Variants in MOB4 observed in about 807,000 individuals in gnomAD.
MOB4 encodes the protein MOB-like protein phocein.
In MOB4, 4 loss-of-function variants were observed where a neutral mutation model predicts 32.2. That is an observed-to-expected ratio of 0.12 (90% CI 0.06 to 0.28). The LOEUF (loss-of-function observed/expected upper bound fraction) is 0.28, where lower values mean the gene tolerates loss of function less well. MOB4 is among the 10% of genes least tolerant of loss of function. The pLI, the probability that MOB4 is intolerant of heterozygous loss-of-function variation, is 1.00. For synonymous variants in MOB4, 88 were observed against 88.1 expected (o/e 1.00, Z 0.01); for missense variants, 158 against 271.2 (o/e 0.58, Z 2.93).
chr2:197,540,918 T>G (rs2086885236), intron 5 of MOB4, among the ~76,000 whole-genome samples: 1 of 152,032 alleles, frequency 6.6e-6, no homozygotes, highest in South Asian at 2.1e-4. Context: ...TTTTTTTTTT[T>G]TGAGATGGAT....
At position 197,550,692 on chromosome 2, in the gene MOB4, T is replaced by C; in HGVS notation, c.*46T>C. 1 of 1,538,046 alleles carries C rather than the reference T, an allele frequency of 6.5e-7. No homozygotes were observed. Among genetic ancestry groups the C allele is most frequent in the Non-Finnish European group, 8.7e-7 (1 of 1,149,372 alleles). ...TACTGATCATATAATTAACATTATG[T>C]ACTGTATATATCATTTTAGACACAT... On this transcript the variant is annotated 3_prime_UTR_variant, in exon 8 of 8. Transcript: ENST00000323303.
chr2:197,536,022 C>T (rs1229169172), intron 3 of MOB4, among the ~76,000 whole-genome samples: 6 of 151,740 alleles, frequency 4.0e-5, no homozygotes, highest in African/African-American at 1.5e-4. Flanking sequence ...CTTCAGCTTC[C>T]AGAGTAGCTG....
At chr2:197,531,622 G>A (rs554371257) in intron 2 of MOB4, among the ~76,000 whole-genome samples, 10 of 152,188 alleles carry the variant, frequency 6.6e-5, no homozygotes, top group South Asian at 2.1e-4. Context: ...CTGGAGTGCA[G>A]TGGCATGATC....
intron 2 of MOB4, among the ~76,000 whole-genome samples, chr2:197,528,030 CTA>C (rs1302783629): frequency 6.6e-6 from 1 of 151,626 alleles, no homozygotes; most frequent in African/African-American, 2.4e-5. Context: ...TTTGACATAC[CTA>C]TATAATTACG....
chr2:197,519,301 T>C (rs1389800576), intron 1 of MOB4, among the ~76,000 whole-genome samples: 8 of 152,246 alleles, frequency 5.3e-5, no homozygotes, highest in Non-Finnish European at 1.0e-4. Context: ...GTCACAGTTA[T>C]GAGAAGGCGA....
intron 3 of MOB4, among the ~76,000 whole-genome samples, chr2:197,539,557 A>AT (rs2086862503): frequency 6.6e-6 from 1 of 151,996 alleles, no homozygotes; most frequent in Non-Finnish European, 1.5e-5. Flanking sequence ...ACCTCAAGTG[A>AT]TTCACCTGCC....
In MOB4 at chr2:197,552,527, G is replaced by A. The variant is rs1335101095; in HGVS notation, c.*1881G>A. ...TTGAATAATATGGCTTAGTGTTAACGGGGACTTAAATATGATTTTTTTTTC... is the reference window on the plus strand; with the variant it reads ...TTGAATAATATGGCTTAGTGTTAACAGGGACTTAAATATGATTTTTTTTTC... On this transcript the variant is annotated 3_prime_UTR_variant, in exon 8 of 8. Coordinates refer to ENST00000323303, the MANE Select transcript of MOB4 (RefSeq NM_015387.5). 2 of 152,196 alleles carry A rather than the reference G, an allele frequency of 1.3e-5. No homozygotes were observed. The highest frequency in any genetic ancestry group is 2.1e-4 in the South Asian group (1 of 4,820). 9.4% of individuals were successfully genotyped at this position (152,196 alleles called of 1,614,324 possible). A position where few individuals can be genotyped will look rare whatever the true frequency, so the allele number is the denominator to read the frequency against.
chr2:197,515,984 C>A, upstream of MOB4: 1 of 1,234,270 alleles, frequency 8.1e-7, no homozygotes, highest in Non-Finnish European at 1.1e-6. Context: ...CCGTCAGCTG[C>A]CGCTCCTCCT....
intron 2 of MOB4, chr2:197,533,943 G>C (rs1041048758): frequency 3.4e-6 from 2 of 583,114 alleles, no homozygotes; most frequent in Non-Finnish European, 6.7e-6. Context: ...GGAGACATTG[G>C]AAAAGAACCA....
At chr2:197,522,026 T>G (rs1250067603) in intron 1 of MOB4, among the ~76,000 whole-genome samples, 3 of 152,124 alleles carry the variant, frequency 2.0e-5, no homozygotes, top group Non-Finnish European at 4.4e-5. Flanking sequence ...AATTTGTGTT[T>G]AGAGACTGCA....
intron 2 of MOB4, among the ~76,000 whole-genome samples, chr2:197,525,384 T>C (rs74761182): frequency 0.047 from 7,142 of 151,734 alleles, 238 homozygotes; most frequent in Non-Finnish European, 0.068. Context: ...TCGGATTTGT[T>C]ATGTTATTTG....
intron 2 of MOB4, among the ~76,000 whole-genome samples, chr2:197,526,808 T>C (rs1206044198): frequency 6.6e-6 from 1 of 152,220 alleles, no homozygotes; most frequent in Non-Finnish European, 1.5e-5. Flanking sequence ...CTTTTGGCCA[T>C]GTATGTGACA....
chr2:197,549,107 A>C (rs2087049496), intron 6 of MOB4, among the ~76,000 whole-genome samples: 1 of 152,142 alleles, frequency 6.6e-6, no homozygotes, highest in East Asian at 1.9e-4. Context: ...GAGTACCTGT[A>C]ATCCCAGCCA....
chr2:197,522,475 C>A (rs981872921), intron 1 of MOB4, among the ~76,000 whole-genome samples: 1 of 151,254 alleles, frequency 6.6e-6, no homozygotes, highest in African/African-American at 2.4e-5. Context: ...GGATTACAGG[C>A]GCACGCCACC....
intron 5 of MOB4, among the ~76,000 whole-genome samples, chr2:197,541,685 C>T (rs1026570673): frequency 4.6e-5 from 7 of 152,002 alleles, no homozygotes; most frequent in South Asian, 4.2e-4. Context: ...TTTGGGAGGC[C>T]GAGGCGGGCG....
At chr2:197,527,180 G>A (rs115914964) in intron 2 of MOB4, among the ~76,000 whole-genome samples, 1 of 151,956 alleles carries the variant, frequency 6.6e-6, no homozygotes, top group African/African-American at 2.4e-5. Context: ...AAAAAAAGGG[G>A]GGCGTCGATT....
At chr2:197,523,173 C>A (rs1301248968) in intron 1 of MOB4, among the ~76,000 whole-genome samples, 1 of 151,764 alleles carries the variant, frequency 6.6e-6, no homozygotes, top group African/African-American at 2.4e-5. Flanking sequence ...AAGTGATAGA[C>A]TTGTCTCCCC....
chr2:197,521,872 C>T (rs1387082460), intron 1 of MOB4, among the ~76,000 whole-genome samples: 1 of 152,160 alleles, frequency 6.6e-6, no homozygotes, highest in African/African-American at 2.4e-5. Flanking sequence ...ACATGCTCTA[C>T]AGTTTGTGCA....
intron 2 of MOB4, among the ~76,000 whole-genome samples, chr2:197,527,562 A>G (rs182924371): frequency 2.5e-4 from 38 of 152,290 alleles, no homozygotes; most frequent in Middle Eastern, 3.4e-3. Flanking sequence ...TTTCCTATAT[A>G]TAGGATCATG....
Sources: gnomAD v4.1 joint callset for allele counts (sites outside exome capture counted in the v4.1 genomes callset) on GRCh38, gnomAD v4.1.1 for gene constraint, MANE v1.5 for transcripts, NCBI Gene and HGNC (gene_info 2026-07-23, HGNC 2026-07-21) for gene names.